The following HLCS variants were observed in gnomAD, a reference collection of about 807,000 sequenced individuals.
HLCS encodes biotin--protein ligase.
Under a neutral mutation model 75.0 loss-of-function variants are expected in HLCS, and 53 were observed. The ratio of observed to expected loss-of-function variants is 0.71; its 90% CI spans 0.57 to 0.89. HLCS has a LOEUF of 0.89. Among genes scored for constraint, HLCS ranks in the 40% least tolerant of loss-of-function variants. The pLI, the probability that HLCS is intolerant of heterozygous loss-of-function variation, is 0.00. For synonymous variants in HLCS, 431 were observed against 428.6 expected (o/e 1.01, Z -0.07); for missense variants, 966 against 1,074.0 (o/e 0.90, Z 1.41).
chr21:36,857,897 C>G (rs1487022737), intron 6 of HLCS, among the ~76,000 whole-genome samples: 1 of 152,102 alleles, frequency 6.6e-6, no homozygotes, highest in East Asian at 1.9e-4. Context: ...TCAAGTGATT[C>G]TCCTGCCTCA....
intron 4 of HLCS, 45 bp downstream of exon 4, chr21:36,936,404 C>T: frequency 2.0e-6 from 3 of 1,512,432 alleles, no homozygotes; most frequent in Non-Finnish European, 2.8e-6. Context: ...CGCAAAAATA[C>T]CCACAGATAC....
At chr21:36,946,393 C>A (rs2067396443) in intron 2 of HLCS, among the ~76,000 whole-genome samples, 1 of 151,982 alleles carries the variant, frequency 6.6e-6, no homozygotes, top group Admixed American at 6.6e-5. Flanking sequence ...AGGCATGCAC[C>A]ACTATGACGG....
intron 6 of HLCS, among the ~76,000 whole-genome samples, chr21:36,826,027 A>T (rs958814339): frequency 1.1e-3 from 157 of 146,834 alleles, no homozygotes; most frequent in African/African-American, 3.6e-3. Flanking sequence ...GTAAGAAGTT[A>T]TTTTTTTTTT....
At chr21:36,982,170 G>A (rs75424330) in intron 1 of HLCS, among the ~76,000 whole-genome samples, 54 of 151,924 alleles carry the variant, frequency 3.6e-4, no homozygotes, top group Non-Finnish European at 5.9e-4. Flanking sequence ...ATACAATTTC[G>A]CAAAGCTGCA....
chr21:36,838,637 G>A (rs1001668272), intron 6 of HLCS, among the ~76,000 whole-genome samples: 3 of 151,470 alleles, frequency 2.0e-5, no homozygotes, highest in African/African-American at 7.3e-5. Context: ...CCGGGAGGCA[G>A]AGCTTGCAGT....
chr21:36,878,165 A>AT (rs1223971391), intron 6 of HLCS, among the ~76,000 whole-genome samples: 1 of 151,614 alleles, frequency 6.6e-6, no homozygotes, highest in Non-Finnish European at 1.5e-5. Context: ...ATTTTTTCAA[A>AT]TTTTTTTTCC....
intron 6 of HLCS, among the ~76,000 whole-genome samples, chr21:36,783,445 G>A (rs1211566164): frequency 2.0e-5 from 3 of 152,102 alleles, no homozygotes; most frequent in Non-Finnish European, 4.4e-5. Context: ...TTCTCTTCTG[G>A]TTCCTTCAAT....
chr21:36,989,305 C>G (rs979418460), intron 1 of HLCS, among the ~76,000 whole-genome samples: 1 of 134,660 alleles, frequency 7.4e-6, no homozygotes, highest in Non-Finnish European at 1.5e-5. Flanking sequence ...GCCACAGTGT[C>G]TGGCCCATCT....
rs1048419210 is a variant in HLCS at position 36,749,935 on chromosome 21, G to A, written c.*4311C>T. 12 of 152,192 alleles carry A rather than the reference G, an allele frequency of 7.9e-5. No individual in the cohort carries two copies. The highest frequency in any genetic ancestry group is 2.9e-4 in the African/African-American group (12 of 41,430). The allele number at this position is 152,192 out of a possible 1,614,324, so 9.4% of individuals were successfully genotyped here. A position where few individuals can be genotyped will look rare whatever the true frequency, so the allele number is the denominator to read the frequency against. ...TTTACAAGTGACAACGTGGACAGGC[G>A]TAACAGAGTGTGTATGTACTTGAAA... On this transcript the variant is annotated 3_prime_UTR_variant, in exon 11 of 11. Coordinates refer to ENST00000674895, the MANE Select transcript of HLCS (RefSeq NM_001352514.2).
intron 6 of HLCS, 126 bp from the exon 7 acceptor site, chr21:36,767,411 G>C (rs2090079392): frequency 1.2e-6 from 1 of 849,692 alleles, no homozygotes; most frequent in Admixed American, 1.8e-5. Flanking sequence ...GCCAACTTTG[G>C]TTCCACTGGC....
At chr21:36,867,043 G>A (rs928302629) in intron 6 of HLCS, among the ~76,000 whole-genome samples, 1 of 152,126 alleles carries the variant, frequency 6.6e-6, no homozygotes, top group African/African-American at 2.4e-5. Context: ...AACCCCAAAG[G>A]CCCAAGTGTA....
chr21:36,895,008 G>A (rs767386746), intron 6 of HLCS, among the ~76,000 whole-genome samples: 1 of 151,998 alleles, frequency 6.6e-6, no homozygotes, highest in Admixed American at 6.6e-5. Context: ...CAGCCTGTCC[G>A]CACTCTCAGG....
chr21:36,788,080 C>T (rs2060745757), intron 6 of HLCS, among the ~76,000 whole-genome samples: 1 of 152,156 alleles, frequency 6.6e-6, no homozygotes, highest in African/African-American at 2.4e-5. Flanking sequence ...ACTGTGGGGC[C>T]ACCACTCCCC....
chr21:36,868,377 T>C (rs1373164385), intron 6 of HLCS, among the ~76,000 whole-genome samples: 4 of 151,910 alleles, frequency 2.6e-5, no homozygotes, highest in Non-Finnish European at 5.9e-5. Flanking sequence ...ACAGTGATTA[T>C]AGAGGTGGGA....
At chr21:36,764,952 A>C (rs1253589965) in intron 8 of HLCS, 60 bp downstream of exon 8, 55 of 1,559,130 alleles carry the variant, frequency 3.5e-5, no homozygotes, top group Non-Finnish European at 4.7e-5. Flanking sequence ...GCTATAAACA[A>C]GAATAAGCCA....
At chr21:36,964,606 T>C (rs973767182) in intron 1 of HLCS, among the ~76,000 whole-genome samples, 6 of 152,150 alleles carry the variant, frequency 3.9e-5, no homozygotes, top group African/African-American at 1.4e-4. Context: ...TAACCAAATC[T>C]GTAGGCAAAG....
At chr21:36,755,139 G>A (rs2089511547) in intron 10 of HLCS, among the ~76,000 whole-genome samples, 1 of 152,080 alleles carries the variant, frequency 6.6e-6, no homozygotes, top group Non-Finnish European at 1.5e-5. Context: ...GCTCATGTTT[G>A]TAACCTTAGC....
chr21:36,912,686 G>A (rs908233912), intron 5 of HLCS, among the ~76,000 whole-genome samples: 1 of 152,076 alleles, frequency 6.6e-6, no homozygotes, highest in Non-Finnish European at 1.5e-5. Flanking sequence ...AGAGAGAAAG[G>A]GAGAGAGAGA....
At chr21:36,876,681 C>A (rs916358990) in intron 6 of HLCS, among the ~76,000 whole-genome samples, 13 of 152,168 alleles carry the variant, frequency 8.5e-5, no homozygotes, top group African/African-American at 3.1e-4. Context: ...ACATAGTCTA[C>A]CTTGGTGAAC....
Sources: gnomAD v4.1 joint callset for allele counts (sites outside exome capture counted in the v4.1 genomes callset) on GRCh38, gnomAD v4.1.1 for gene constraint, MANE v1.5 for transcripts, NCBI Gene and HGNC (gene_info 2026-07-23, HGNC 2026-07-21) for gene names.